The following KCNH7 variants were observed in gnomAD, a reference collection of about 807,000 sequenced individuals.
The protein encoded by KCNH7 is voltage-gated inwardly rectifying potassium channel KCNH7.
KCNH7 carries 49 observed loss-of-function variants against 120.8 expected under a neutral mutation model. The ratio of observed to expected loss-of-function variants is 0.41; its 90% CI spans 0.32 to 0.51. The LOEUF is 0.51. KCNH7 is among the 20% of genes least tolerant of loss of function. KCNH7 has a pLI of 0.38. For synonymous variants in KCNH7, 547 were observed against 516.1 expected (o/e 1.06, Z -0.81); for missense variants, 1,097 against 1,446.6 (o/e 0.76, Z 3.92).
chr2:162,499,303 G>A (rs1402205768), intron 6 of KCNH7, among the ~76,000 whole-genome samples: 1 of 152,008 alleles, frequency 6.6e-6, no homozygotes, highest in Non-Finnish European at 1.5e-5. Context: ...CTTGGTAAAA[G>A]GAGACCTTAC....
At chr2:162,794,360 A>ATC (rs1684061135) in intron 2 of KCNH7, among the ~76,000 whole-genome samples, 2 of 152,000 alleles carry the variant, frequency 1.3e-5, no homozygotes, top group Non-Finnish European at 2.9e-5. Context: ...TGAGCATGCA[A>ATC]TCTACTTCTT....
At chr2:162,406,374 C>A (rs76424295) in intron 9 of KCNH7, among the ~76,000 whole-genome samples, 244 of 152,006 alleles carry the variant, frequency 1.6e-3, no homozygotes, top group African/African-American at 5.4e-3. Context: ...ATTTATTTCA[C>A]TTAGTATAGT....
rs1484258522 is a variant in KCNH7 at position 162,685,187 on chromosome 2, G to C, written c.308-148107C>G. ...CAGGGAAGGGAACATCACACACCGG[G>C]GCCTGTTGGGGCTGGGGAACTAGGG... is the stretch of plus-strand genomic sequence containing the variant. On this transcript the variant is annotated intron_variant, in intron 2 of 15. Transcript: ENST00000332142. Among the ~76,000 whole-genome samples the C allele has an allele frequency of 2.1e-5, 3 of 145,106 alleles. No homozygotes were observed. The East Asian group carries it at 7.7e-4, about 37-fold the overall frequency.
At chr2:162,638,715 C>A (rs1001191511) in intron 2 of KCNH7, among the ~76,000 whole-genome samples, 1 of 152,078 alleles carries the variant, frequency 6.6e-6, no homozygotes, top group African/African-American at 2.4e-5. Context: ...TACTCTCTGG[C>A]TGGTGACCCA....
intron 10 of KCNH7, among the ~76,000 whole-genome samples, chr2:162,398,480 C>T (rs1573912857): frequency 6.6e-6 from 1 of 151,708 alleles, no homozygotes; most frequent in Non-Finnish European, 1.5e-5. Flanking sequence ...ATTTTAGGGG[C>T]TGACTTATAT....
intron 2 of KCNH7, among the ~76,000 whole-genome samples, chr2:162,558,760 C>A (rs1692949528): frequency 6.6e-6 from 1 of 151,532 alleles, no homozygotes; most frequent in African/African-American, 2.4e-5. Flanking sequence ...CCTTCTTTGG[C>A]ATTATTACTA....
intron 2 of KCNH7, among the ~76,000 whole-genome samples, chr2:162,620,771 G>T (rs1683325164): frequency 6.6e-6 from 1 of 151,972 alleles, no homozygotes. Context: ...AATTTTTCTT[G>T]CATCTTTTTT....
chr2:162,723,212 G>T (rs957208095), intron 2 of KCNH7, among the ~76,000 whole-genome samples: 1 of 151,448 alleles, frequency 6.6e-6, no homozygotes, highest in African/African-American at 2.4e-5. Context: ...TCTCTATATT[G>T]TTACATGCAT....
intron 2 of KCNH7, among the ~76,000 whole-genome samples, chr2:162,619,362 A>T (rs1429163494): frequency 6.6e-6 from 1 of 152,042 alleles, no homozygotes; most frequent in Non-Finnish European, 1.5e-5. Context: ...ACCTAGGGTA[A>T]TACTGAAAAG....
chr2:162,479,670 T>G (rs1417951494), intron 6 of KCNH7, among the ~76,000 whole-genome samples: 1 of 118,370 alleles, frequency 8.4e-6, no homozygotes, highest in Admixed American at 8.3e-5. Flanking sequence ...TGTGTGTGTG[T>G]GCATGTGTGT....
intron 6 of KCNH7, among the ~76,000 whole-genome samples, chr2:162,458,104 CGTGTGTGTGTGTGT>C (rs139079136): frequency 7.6e-6 from 1 of 130,888 alleles, no homozygotes; most frequent in Non-Finnish European, 1.6e-5. Flanking sequence ...TGGCTATGTG[CGTGTGTGTGTGTGT>C]GTGTGTGTGT....
At chr2:162,733,195 C>T (rs372707455) in intron 2 of KCNH7, among the ~76,000 whole-genome samples, 18 of 152,174 alleles carry the variant, frequency 1.2e-4, no homozygotes, top group African/African-American at 4.1e-4. Context: ...GGTTGCCAAT[C>T]CTGTGTGAAA....
chr2:162,393,802 G>A (rs970338062), intron 12 of KCNH7, among the ~76,000 whole-genome samples: 17 of 151,924 alleles, frequency 1.1e-4, no homozygotes, highest in African/African-American at 3.9e-4. Context: ...ATTTGAGGGC[G>A]TGTCTATCTC....
chr2:162,678,264 G>A (rs1457203146), intron 2 of KCNH7, among the ~76,000 whole-genome samples: 6 of 151,214 alleles, frequency 4.0e-5, no homozygotes, highest in Non-Finnish European at 7.4e-5. Context: ...AATTCCCCAG[G>A]AGAGAATATG....
intron 2 of KCNH7, among the ~76,000 whole-genome samples, chr2:162,820,613 T>C (rs1003822633): frequency 1.3e-5 from 2 of 152,190 alleles, no homozygotes; most frequent in African/African-American, 4.8e-5. Flanking sequence ...GGCTAACTTG[T>C]GTTTTCTTTC....
chr2:162,383,969 G>A lies in KCNH7; in HGVS notation c.2962+719C>T, dbSNP rs1284625321. 4.6e-5 allele frequency among the ~76,000 whole-genome samples: 7 copies of A among 151,848 alleles called. No individual in the cohort carries two copies. In the South Asian group the frequency reaches 6.2e-4, roughly 14 times the overall value. The stretch of plus-strand genomic sequence containing the variant: ...AGCTGCACTTGGAACCCAAGCAGTC[G>A]TTACTGGTACCACTTACTAGCTAGA... On this transcript the variant is annotated intron_variant, in intron 13 of 15. Coordinates refer to ENST00000332142, the MANE Select transcript of KCNH7 (RefSeq NM_033272.4).
intron 2 of KCNH7, among the ~76,000 whole-genome samples, chr2:162,586,384 A>AGCTCCCT (rs1694021869): frequency 6.6e-6 from 1 of 152,018 alleles, no homozygotes; most frequent in South Asian, 2.1e-4. Context: ...GTGGGGAGAA[A>AGCTCCCT]GGCCCAGGCT....
At chr2:162,675,111 AT>A (rs1446885443) in intron 2 of KCNH7, among the ~76,000 whole-genome samples, 1 of 151,636 alleles carries the variant, frequency 6.6e-6, no homozygotes, top group Non-Finnish European at 1.5e-5. Context: ...ACGAGCAGAT[AT>A]TTTATAGAAC....
chr2:162,435,065 AC>A, intron 8 of KCNH7, 132 bp downstream of exon 8: 1 of 785,730 alleles, frequency 1.3e-6, no homozygotes, highest in Non-Finnish European at 2.0e-6. Context: ...GGAATACAGT[AC>A]CCATATATGT....
Sources: gnomAD v4.1 joint callset for allele counts (sites outside exome capture counted in the v4.1 genomes callset) on GRCh38, gnomAD v4.1.1 for gene constraint, MANE v1.5 for transcripts, NCBI Gene and HGNC (gene_info 2026-07-23, HGNC 2026-07-21) for gene names.